Variants in PDCL2 observed in about 807,000 individuals in gnomAD.
PDCL2 encodes phosducin-like protein 2.
In PDCL2, 23 loss-of-function variants were observed where a neutral mutation model predicts 30.3. The observed-to-expected ratio is 0.76, with a 90% CI of 0.55 to 1.08. PDCL2 has a LOEUF of 1.08. PDCL2 is among the 50% of genes least tolerant of loss of function. The pLI is 0.00. For missense variants in PDCL2, 243 were observed against 282.3 expected (o/e 0.86, Z 1.00); for synonymous variants, 68 against 86.2 (o/e 0.79, Z 1.17).
chr4:55,566,117 T>G (rs1732260865), intron 4 of PDCL2, among the ~76,000 whole-genome samples: 1 of 151,038 alleles, frequency 6.6e-6, no homozygotes, highest in African/African-American at 2.4e-5. Context: ...GTAACTGGGA[T>G]TATAGGGACA....
intron 4 of PDCL2, among the ~76,000 whole-genome samples, chr4:55,565,283 C>A (rs1405028851): frequency 6.6e-6 from 1 of 152,100 alleles, no homozygotes; most frequent in Non-Finnish European, 1.5e-5. Context: ...GCAGACTTAG[C>A]ACACATGAGG....
At chr4:55,581,846 G>A (rs1319435684) in intron 2 of PDCL2, among the ~76,000 whole-genome samples, 1 of 152,074 alleles carries the variant, frequency 6.6e-6, no homozygotes, top group African/African-American at 2.4e-5. Flanking sequence ...TGGGACTACA[G>A]GCACCCACCA....
At chr4:55,578,669 A>G (rs1732633140) in intron 3 of PDCL2, among the ~76,000 whole-genome samples, 1 of 152,098 alleles carries the variant, frequency 6.6e-6, no homozygotes, top group African/African-American at 2.4e-5. Flanking sequence ...ACTGAAAATG[A>G]TACCACAGAG....
At position 55,576,643 on chromosome 4, in the gene PDCL2, C is replaced by T. The variant is rs568779706; in HGVS notation, c.218+4178G>A. 4.6e-5 allele frequency among the ~76,000 whole-genome samples: 7 copies of T among 151,900 alleles called. No homozygotes were observed. The South Asian group carries it at 1.5e-3, about 32-fold the overall frequency. ...CACTATGAAAAAACTAAAAGATACACAGAAAATGAAAGAAGAAGGAAATAA... is the reference window on the plus strand; with the variant it reads ...CACTATGAAAAAACTAAAAGATACATAGAAAATGAAAGAAGAAGGAAATAA... On this transcript the variant is annotated intron_variant, in intron 3 of 5. Coordinates refer to ENST00000295645, the MANE Select transcript of PDCL2 (RefSeq NM_152401.3).
intron 3 of PDCL2, among the ~76,000 whole-genome samples, chr4:55,576,426 T>C (rs76257125): frequency 0.011 from 1,628 of 152,332 alleles, 10 homozygotes; most frequent in Admixed American, 0.016. Context: ...TTTTTTCCTG[T>C]ATGATATAAA....
intron 5 of PDCL2, among the ~76,000 whole-genome samples, chr4:55,560,835 GC>G (rs144591192): frequency 0.034 from 5,136 of 152,152 alleles, 102 homozygotes; most frequent in Non-Finnish European, 0.054. Flanking sequence ...GAGCTTGTTT[GC>G]CCCTTCCACC....
At chr4:55,568,712 A>G (rs1223845714) in intron 4 of PDCL2, among the ~76,000 whole-genome samples, 1 of 152,196 alleles carries the variant, frequency 6.6e-6, no homozygotes, top group Non-Finnish European at 1.5e-5. Flanking sequence ...AGAAACAGAC[A>G]CAAGAAAAAT....
intron 3 of PDCL2, among the ~76,000 whole-genome samples, chr4:55,571,001 C>G (rs1194818839): frequency 6.6e-6 from 1 of 152,182 alleles, no homozygotes; most frequent in Non-Finnish European, 1.5e-5. Context: ...ACTGTTCAAA[C>G]GCAAATCAAT....
chr4:55,557,818 C>T (rs1464244933), intron 5 of PDCL2, among the ~76,000 whole-genome samples: 1 of 151,750 alleles, frequency 6.6e-6, no homozygotes, highest in East Asian at 1.9e-4. Flanking sequence ...TAAAATTAAA[C>T]AAGTTGGCCG....
chr4:55,571,152 C>T (rs1400859931), intron 3 of PDCL2, among the ~76,000 whole-genome samples: 2 of 152,094 alleles, frequency 1.3e-5, no homozygotes, highest in Non-Finnish European at 2.9e-5. Context: ...ACTAGCCAAT[C>T]CTAACTCTGC....
chr4:55,587,399 T>C (rs1010492840), intron 1 of PDCL2, among the ~76,000 whole-genome samples: 4 of 152,058 alleles, frequency 2.6e-5, no homozygotes, highest in African/African-American at 7.2e-5. Flanking sequence ...ACACTCAAAC[T>C]ATAGCAAAAT....
chr4:55,591,856 A>G (rs1056662005), intron 1 of PDCL2, among the ~76,000 whole-genome samples: 1 of 152,264 alleles, frequency 6.6e-6, no homozygotes, highest in African/African-American at 2.4e-5. Flanking sequence ...GTGAAACACA[A>G]TACGTAACAA....
At chr4:55,577,802 G>A (rs1457560843) in intron 3 of PDCL2, among the ~76,000 whole-genome samples, 1 of 151,864 alleles carries the variant, frequency 6.6e-6, no homozygotes, top group Non-Finnish European at 1.5e-5. Flanking sequence ...TAAAGTCTTT[G>A]TCTAGTAAGT....
At chr4:55,571,082 G>C (rs1355924435) in intron 3 of PDCL2, among the ~76,000 whole-genome samples, 2 of 151,936 alleles carry the variant, frequency 1.3e-5, no homozygotes, top group African/African-American at 4.8e-5. Context: ...TCATTCCAGG[G>C]CCAGGTACCA....
chr4:55,587,709 C>A (rs978957995), intron 1 of PDCL2, among the ~76,000 whole-genome samples: 1 of 152,012 alleles, frequency 6.6e-6, no homozygotes, highest in Non-Finnish European at 1.5e-5. Flanking sequence ...ATGCCCACCA[C>A]CACACCCAGC....
At chr4:55,568,401 G>A (rs982310266) in intron 4 of PDCL2, among the ~76,000 whole-genome samples, 1 of 152,218 alleles carries the variant, frequency 6.6e-6, no homozygotes, top group African/African-American at 2.4e-5. Flanking sequence ...GTGCAGGGGT[G>A]CAGGGAAATT....
intron 4 of PDCL2, among the ~76,000 whole-genome samples, chr4:55,568,038 ACT>A (rs1259917786): frequency 2.6e-5 from 4 of 152,166 alleles, no homozygotes; most frequent in Non-Finnish European, 5.9e-5. Context: ...TCAAAATTTG[ACT>A]CAGGAACTGC....
rs150805043 is a variant in PDCL2 at position 55,576,157 on chromosome 4, T to C, written c.218+4664A>G. Among the ~76,000 whole-genome samples, 76 of 152,288 alleles carry C rather than the reference T, an allele frequency of 5.0e-4. 1 individual carries two copies. Among genetic ancestry groups the C allele is most frequent in the African/African-American group, 1.7e-3 (71 of 41,546 alleles). On this transcript the variant is annotated intron_variant, in intron 3 of 5. Transcript: ENST00000295645. ...CCTAGGCTGGAGTGCCGTGGCGCGA[T>C]CTTAGCTTACTGCAACCTCTGCCTC...
At chr4:55,566,431 T>C (rs1019879581) in intron 4 of PDCL2, among the ~76,000 whole-genome samples, 7 of 143,706 alleles carry the variant, frequency 4.9e-5, no homozygotes, top group African/African-American at 1.8e-4. Context: ...CTTTTTCTCT[T>C]TTTTTTTTTT....
Sources: gnomAD v4.1 joint callset for allele counts (sites outside exome capture counted in the v4.1 genomes callset) on GRCh38, gnomAD v4.1.1 for gene constraint, MANE v1.5 for transcripts, NCBI Gene and HGNC (gene_info 2026-07-23, HGNC 2026-07-21) for gene names.